CADPS: variants seen among roughly 807,000 people sequenced by gnomAD.
The protein encoded by CADPS is calcium dependent secretion activator, also known as calcium-dependent secretion activator 1.
A neutral mutation model predicts 167.3 loss-of-function variants in CADPS; 57 were observed. That is an observed-to-expected ratio of 0.34 (90% CI 0.28 to 0.42). The LOEUF (loss-of-function observed/expected upper bound fraction) is 0.42. Among genes scored for constraint, CADPS ranks in the 20% least tolerant of loss-of-function variants. The pLI is 1.00. For synonymous variants in CADPS, 676 were observed against 635.3 expected, an observed-to-expected ratio of 1.06 and a Z score of -0.96; for missense variants, 1,414 against 1,738.1, an observed-to-expected ratio of 0.81 and a Z score of 3.32.
chr3:62,599,831 TATA>T (rs1220994297), intron 6 of CADPS, among the ~76,000 whole-genome samples: 3 of 6,116 alleles, frequency 4.9e-4, no homozygotes, highest in South Asian at 0.04. Flanking sequence ...ATATTATATA[TATA>T]ATATATTATA....
At chr3:62,687,387 T>C (rs1369932244) in intron 3 of CADPS, among the ~76,000 whole-genome samples, 2 of 152,104 alleles carry the variant, frequency 1.3e-5, no homozygotes, top group Non-Finnish European at 2.9e-5. Context: ...CAAAATGCCA[T>C]TTGATTCAAG....
At chr3:62,728,092 C>A (rs1010938712) in intron 3 of CADPS, among the ~76,000 whole-genome samples, 1 of 151,810 alleles carries the variant, frequency 6.6e-6, no homozygotes, top group Non-Finnish European at 1.5e-5. Context: ...GGCTTATCAA[C>A]ACGAAGTCGC....
chr3:62,469,477 G>A (rs2060319289), intron 24 of CADPS, among the ~76,000 whole-genome samples: 1 of 152,008 alleles, frequency 6.6e-6, no homozygotes, highest in African/African-American at 2.4e-5. Context: ...GGTACAAAGA[G>A]GGAGCTTTAC....
At chr3:62,710,182 T>A (rs747739256) in intron 3 of CADPS, among the ~76,000 whole-genome samples, 1 of 152,074 alleles carries the variant, frequency 6.6e-6, no homozygotes, top group Non-Finnish European at 1.5e-5. Flanking sequence ...TACTTAGCAC[T>A]GAAATCTCCG....
At chr3:62,578,552 G>A (rs1476156190) in intron 8 of CADPS, among the ~76,000 whole-genome samples, 1 of 145,820 alleles carries the variant, frequency 6.9e-6, no homozygotes, top group Non-Finnish European at 1.5e-5. Flanking sequence ...GGAGCTTGCA[G>A]TGAGCCGAGA....
At chr3:62,847,454 G>T (rs2077707511) in intron 1 of CADPS, among the ~76,000 whole-genome samples, 1 of 99,036 alleles carries the variant, frequency 1.0e-5, no homozygotes. Flanking sequence ...ACAGTCCCCA[G>T]AGTGTGATAT....
intron 1 of CADPS, among the ~76,000 whole-genome samples, chr3:62,803,332 CTTTTTTT>C (rs57928697): frequency 7.2e-6 from 1 of 139,664 alleles, no homozygotes; most frequent in African/African-American, 2.7e-5. Context: ...GAGATGCTTC[CTTTTTTT>C]TTTTTTTTTT....
chr3:62,836,100 T>G (rs1186849776), intron 1 of CADPS, among the ~76,000 whole-genome samples: 1 of 152,176 alleles, frequency 6.6e-6, no homozygotes, highest in African/African-American at 2.4e-5. Flanking sequence ...CATGTTGAAA[T>G]CACTTGGGAA....
rs890443408 is a variant in CADPS, at chr3:62,785,055, C to T, written c.442-19071G>A. On this transcript the variant is annotated intron_variant, in intron 1 of 29. Transcript: ENST00000383710. Reference sequence around the variant, plus strand: ...TATAAATATAATGTTATGCCTGGAACATGCTTTAAAATAATTCATTTCAGG... The same window carrying T: ...TATAAATATAATGTTATGCCTGGAATATGCTTTAAAATAATTCATTTCAGG... 1.2e-4 allele frequency among the ~76,000 whole-genome samples: 18 copies of T among 152,030 alleles called. 1 individual carries two copies. The highest frequency in any genetic ancestry group is 3.3e-4 in the Admixed American group (5 of 15,266).
intron 3 of CADPS, among the ~76,000 whole-genome samples, chr3:62,710,573 C>T (rs1469863072): frequency 6.6e-6 from 1 of 151,960 alleles, no homozygotes; most frequent in Non-Finnish European, 1.5e-5. Flanking sequence ...TTCTAGAAGG[C>T]CCCCTCATGC....
chr3:62,748,120 A>T lies in CADPS; in HGVS notation c.888+5321T>A, dbSNP rs114620584. On this transcript the variant is annotated intron_variant, in intron 3 of 29. Coordinates refer to ENST00000383710, the MANE Select transcript of CADPS (RefSeq NM_003716.4). The stretch of plus-strand genomic sequence containing the variant: ...CGGATCACAAGGTCAGGAGATTGAG[A>T]CCATCCATCCTGGCTAACTCGGTGA... Among the ~76,000 whole-genome samples, 1,314 of 142,788 alleles carry T rather than the reference A, an allele frequency of 9.2e-3. 9 individuals carry two copies. Among genetic ancestry groups the T allele is most frequent in the Non-Finnish European group, 0.014 (959 of 66,604 alleles). 93.7% of individuals were successfully genotyped at this position (142,788 alleles called of 152,430 possible).
Position 62,698,731 on chromosome 3 carries a change from C to CTTTTT in CADPS, c.889-36342_889-36338dup, listed in dbSNP as rs201324385. Among the ~76,000 whole-genome samples the CTTTTT allele has an allele frequency of 2.4e-3, 161 of 67,242 alleles. 30 individuals carry two copies. The highest frequency in any genetic ancestry group is 5.0e-3 in the South Asian group (8 of 1,594). The allele number at this position is 67,242 out of a possible 152,430, so 44.1% of individuals were successfully genotyped here. ...TCTCCTTTCCTTTCCTCCCCACTTCCTTTTTTTTTTTTTTTTTTTTTTTTT... is the reference window on the plus strand; with the variant it reads ...TCTCCTTTCCTTTCCTCCCCACTTCCTTTTTTTTTTTTTTTTTTTTTTTTTTTTTT... On this transcript the variant is annotated intron_variant, in intron 3 of 29. Coordinates refer to ENST00000383710, the MANE Select transcript of CADPS (RefSeq NM_003716.4).
chr3:62,834,429 T>C (rs1472101848), intron 1 of CADPS, among the ~76,000 whole-genome samples: 1 of 152,116 alleles, frequency 6.6e-6, no homozygotes, highest in Non-Finnish European at 1.5e-5. Flanking sequence ...GTAAATCAAG[T>C]GGGTACTAGC....
intron 1 of CADPS, among the ~76,000 whole-genome samples, chr3:62,860,636 A>C (rs2080608985): frequency 6.6e-6 from 1 of 152,158 alleles, no homozygotes; most frequent in African/African-American, 2.4e-5. Flanking sequence ...AAACTTTCAA[A>C]GACTGGGCTG....
rs140624871 is a variant in CADPS, at chr3:62,860,180, G to A, written c.441+14409C>T. 3.8e-4 allele frequency among the ~76,000 whole-genome samples: 58 copies of A among 152,196 alleles called. 2 individuals carry two copies. The highest frequency in any genetic ancestry group is 1.3e-3 in the African/African-American group (56 of 41,524). The stretch of plus-strand genomic sequence containing the variant: ...CATATCTGTTTTCCTTCCTACCCAG[G>A]TTCAAATCCTATTTGTTCCTCAGCT... On this transcript the variant is annotated intron_variant, in intron 1 of 29. Coordinates refer to ENST00000383710, the MANE Select transcript of CADPS (RefSeq NM_003716.4).
At chr3:62,770,519 A>G (rs1210980733) in intron 1 of CADPS, among the ~76,000 whole-genome samples, 2 of 151,988 alleles carry the variant, frequency 1.3e-5, no homozygotes, top group African/African-American at 4.8e-5. Context: ...TCCGCCTCCT[A>G]GGTTCAAGTG....
At chr3:62,717,978 G>A (rs574382193) in intron 3 of CADPS, among the ~76,000 whole-genome samples, 157 of 151,988 alleles carry the variant, frequency 1.0e-3, no homozygotes, top group Admixed American at 3.3e-3. Flanking sequence ...TCTAGCTCAC[G>A]GCTGCCTCCT....
chr3:62,664,804 A>T (rs1396057553), intron 3 of CADPS, among the ~76,000 whole-genome samples: 1 of 152,228 alleles, frequency 6.6e-6, no homozygotes, highest in Non-Finnish European at 1.5e-5. Context: ...TAAATTTTCC[A>T]GAGGCATTTG....
At chr3:62,756,369 A>T (rs1259473830) in intron 2 of CADPS, among the ~76,000 whole-genome samples, 3 of 152,188 alleles carry the variant, frequency 2.0e-5, no homozygotes, top group South Asian at 2.1e-4. Flanking sequence ...GCCTGGCCTG[A>T]TTCTCCAATT....
Sources: gnomAD v4.1 joint callset for allele counts (sites outside exome capture counted in the v4.1 genomes callset) on GRCh38, gnomAD v4.1.1 for gene constraint, MANE v1.5 for transcripts, NCBI Gene and HGNC (gene_info 2026-07-23, HGNC 2026-07-21) for gene names.